The following C8orf90 variants were observed in gnomAD, a reference collection of about 807,000 sequenced individuals.
C8orf90 encodes chromosome 8 open reading frame 90.
chr8:141,518,354 C>T, the C8orf90 span: 1 of 677,020 alleles, frequency 1.5e-6, no homozygotes, highest in Non-Finnish European at 2.7e-6. Context: ...CGCGTGCTCA[C>T]CGAGAACTTC....
At chr8:141,517,563 C>G in the C8orf90 span, among the ~76,000 whole-genome samples, 1 of 152,160 alleles carries the variant, frequency 6.6e-6, no homozygotes, top group Non-Finnish European at 1.5e-5. Context: ...CTTCCACCTC[C>G]GCTCCCTCCT....
At chr8:141,518,694 C>G in the C8orf90 span, 1 of 532,236 alleles carries the variant, frequency 1.9e-6, no homozygotes, top group Non-Finnish European at 3.3e-6. Context: ...GCCGCTGCCC[C>G]GAGAGCGAAC....
the C8orf90 span, among the ~76,000 whole-genome samples, chr8:141,515,614 C>T: frequency 6.6e-6 from 1 of 151,982 alleles, no homozygotes; most frequent in South Asian, 2.1e-4. Context: ...CCTCGAGGGC[C>T]AGCCCCAGCA....
the C8orf90 span, among the ~76,000 whole-genome samples, chr8:141,516,140 C>T: frequency 2.0e-5 from 3 of 152,218 alleles, no homozygotes; most frequent in Non-Finnish European, 4.4e-5. Context: ...CCCCAACTCA[C>T]GCTGTCACTC....
chr8:141,514,738 G>T, the C8orf90 span: 12 of 701,458 alleles, frequency 1.7e-5, no homozygotes, highest in South Asian at 1.6e-4. Context: ...CAGCAGGTCT[G>T]CCCCCTCCTT....
At chr8:141,516,438 C>T in the C8orf90 span, among the ~76,000 whole-genome samples, 64 of 152,268 alleles carry the variant, frequency 4.2e-4, no homozygotes, top group African/African-American at 1.4e-3. Context: ...ATGACCTCTG[C>T]GCTGGTAAGT....
chr8:141,515,638 G>A, the C8orf90 span, among the ~76,000 whole-genome samples: 1 of 151,828 alleles, frequency 6.6e-6, no homozygotes, highest in Non-Finnish European at 1.5e-5. Flanking sequence ...CTTTAGTGAG[G>A]TGGAAGCCCA....
At chr8:141,518,574 G>A in the C8orf90 span, 10 of 423,612 alleles carry the variant, frequency 2.4e-5, no homozygotes, top group Admixed American at 4.6e-5. Flanking sequence ...GCGCCCGCGC[G>A]CGGGGCCCGG....
chr8:141,518,067 C>G, the C8orf90 span: 1 of 507,864 alleles, frequency 2.0e-6, no homozygotes, highest in African/African-American at 2.0e-5. Context: ...TGGCCCTGGC[C>G]ATCCCCAGCT....
the C8orf90 span, chr8:141,518,439 C>T: frequency 1.5e-6 from 1 of 666,222 alleles, no homozygotes; most frequent in Admixed American, 2.2e-5. Flanking sequence ...ACCCCCGCGA[C>T]CGCGCAGACT....
chr8:141,515,165 G>T, the C8orf90 span, among the ~76,000 whole-genome samples: 9 of 60,622 alleles, frequency 1.5e-4, no homozygotes, highest in Non-Finnish European at 3.3e-4. Context: ...GGGGCAGCCA[G>T]CCATCCATTC....
the C8orf90 span, among the ~76,000 whole-genome samples, chr8:141,516,921 A>T: frequency 6.6e-6 from 1 of 152,218 alleles, no homozygotes; most frequent in Non-Finnish European, 1.5e-5. Flanking sequence ...AAGGTGAAAG[A>T]CTAGCCCAGG....
chr8:141,516,617 G>A, the C8orf90 span, among the ~76,000 whole-genome samples: 2 of 152,072 alleles, frequency 1.3e-5, no homozygotes, highest in African/African-American at 2.4e-5. Context: ...CTCTGCTTGC[G>A]CTTCTGCCCT....
At chr8:141,514,839 G>C in the C8orf90 span, 1 of 685,260 alleles carries the variant, frequency 1.5e-6, no homozygotes, top group East Asian at 2.7e-5. Flanking sequence ...TGTGGGAGCA[G>C]GAAGCGGCCC....
the C8orf90 span, among the ~76,000 whole-genome samples, chr8:141,516,237 A>G: frequency 5.3e-5 from 8 of 151,960 alleles, no homozygotes; most frequent in Non-Finnish European, 1.2e-4. Context: ...GCTGCGATTT[A>G]TCCTGTCTCT....
chr8:141,514,796 G>A, the C8orf90 span: 1 of 699,356 alleles, frequency 1.4e-6, no homozygotes, highest in Non-Finnish European at 2.6e-6. Flanking sequence ...GGAATGGACG[G>A]GAAGGGGGAC....
the C8orf90 span, chr8:141,514,742 C>G: frequency 2.9e-6 from 2 of 701,552 alleles, no homozygotes; most frequent in Admixed American, 4.0e-5. Context: ...AGGTCTGCCC[C>G]CTCCTTCTGT....
the C8orf90 span, chr8:141,518,104 C>T: frequency 1.9e-6 from 1 of 514,176 alleles, no homozygotes; most frequent in Non-Finnish European, 3.4e-6. Flanking sequence ...TTCGGCGGCT[C>T]CTTCCAGACT....
chr8:141,516,031 G>C, the C8orf90 span, among the ~76,000 whole-genome samples: 1 of 152,134 alleles, frequency 6.6e-6, no homozygotes, highest in Non-Finnish European at 1.5e-5. Flanking sequence ...CCCACCCACT[G>C]TACTTGTGGC....
Sources: allele counts gnomAD v4.1 joint callset (sites outside exome capture counted in the v4.1 genomes callset), GRCh38; gene constraint gnomAD v4.1.1; transcripts MANE v1.5; gene names NCBI Gene and HGNC (gene_info 2026-07-23, HGNC 2026-07-21).